QTMAN: variants seen among roughly 807,000 people sequenced by gnomAD.
QTMAN encodes the protein tRNA-queuosine alpha-mannosyltransferase.
chr2:144,022,622 G>A, the QTMAN span, among the ~76,000 whole-genome samples: 1 of 138,506 alleles, frequency 7.2e-6, no homozygotes, highest in Admixed American at 7.6e-5. Flanking sequence ...GGAGTGCAGT[G>A]GCACGATCTC....
chr2:144,001,461 A>G, the QTMAN span, among the ~76,000 whole-genome samples: 1 of 151,888 alleles, frequency 6.6e-6, no homozygotes, highest in South Asian at 2.1e-4. Context: ...TCATTATTTT[A>G]TGGAAAATGC....
chr2:144,312,422 A>G, the QTMAN span, among the ~76,000 whole-genome samples: 1 of 151,916 alleles, frequency 6.6e-6, no homozygotes. Context: ...CATCCAGATA[A>G]CTCAAGTCTG....
chr2:144,025,372 A>G, the QTMAN span, among the ~76,000 whole-genome samples: 1 of 152,130 alleles, frequency 6.6e-6, no homozygotes, highest in African/African-American at 2.4e-5. Flanking sequence ...GATGGCCCTG[A>G]TTTGAGATTC....
chr2:144,299,351 T>C, the QTMAN span, among the ~76,000 whole-genome samples: 7 of 152,192 alleles, frequency 4.6e-5, no homozygotes, highest in African/African-American at 1.4e-4. Context: ...ACCAGCTTTC[T>C]ATAATTCTGT....
chr2:144,272,927 T>C, the QTMAN span, among the ~76,000 whole-genome samples: 2 of 152,210 alleles, frequency 1.3e-5, no homozygotes, highest in Non-Finnish European at 2.9e-5. Flanking sequence ...TTTTTTATAT[T>C]GTTAATATGA....
chr2:144,170,222 A>G, the QTMAN span, among the ~76,000 whole-genome samples: 1 of 152,192 alleles, frequency 6.6e-6, no homozygotes. Flanking sequence ...TGCTTTATTA[A>G]TAATTCTAAA....
chr2:144,210,833 G>A, the QTMAN span: 2 of 152,098 alleles, frequency 1.3e-5, no homozygotes, highest in Admixed American at 6.6e-5. Context: ...TGATCACATC[G>A]TAGATATCTA....
the QTMAN span, chr2:143,970,715 A>G: frequency 6.2e-7 from 1 of 1,610,068 alleles, no homozygotes; most frequent in Non-Finnish European, 8.5e-7. Context: ...TAAGTCTTTA[A>G]GATGCATTAA....
At chr2:144,170,039 A>G in the QTMAN span, among the ~76,000 whole-genome samples, 1 of 152,136 alleles carries the variant, frequency 6.6e-6, no homozygotes, top group African/African-American at 2.4e-5. Flanking sequence ...TTATTTTCAT[A>G]ATATAATTTT....
the QTMAN span, among the ~76,000 whole-genome samples, chr2:144,249,427 T>C: frequency 6.6e-5 from 10 of 152,150 alleles, no homozygotes; most frequent in African/African-American, 2.2e-4. Context: ...GAGAACAGAA[T>C]GTTATGAAGT....
the QTMAN span, chr2:143,944,839 G>A: frequency 1.3e-5 from 2 of 151,928 alleles, no homozygotes; most frequent in African/African-American, 2.4e-5. Flanking sequence ...CCACATACAG[G>A]TAACTTTCAA....
chr2:143,951,661 A>G, the QTMAN span, among the ~76,000 whole-genome samples: 3 of 151,492 alleles, frequency 2.0e-5, no homozygotes, highest in East Asian at 5.8e-4. Context: ...TCTTTCCTTT[A>G]CTTCCTTTTA....
the QTMAN span, among the ~76,000 whole-genome samples, chr2:144,255,456 G>A: frequency 2.0e-3 from 297 of 152,226 alleles, 1 homozygote; most frequent in African/African-American, 6.6e-3. Flanking sequence ...TTTTCCTGAC[G>A]CCTCTCCAGC....
chr2:144,238,017 T>C, the QTMAN span, among the ~76,000 whole-genome samples: 1 of 152,188 alleles, frequency 6.6e-6, no homozygotes, highest in East Asian at 1.9e-4. Flanking sequence ...TTCAAATGAC[T>C]GTCACTCTGG....
the QTMAN span, among the ~76,000 whole-genome samples, chr2:144,243,875 T>G: frequency 6.6e-5 from 10 of 152,326 alleles, 1 homozygote; most frequent in East Asian, 1.7e-3. Context: ...TACAAAATCA[T>G]CTTTTAAAAT....
the QTMAN span, among the ~76,000 whole-genome samples, chr2:143,985,822 C>G: frequency 4.2e-4 from 64 of 152,212 alleles, no homozygotes; most frequent in African/African-American, 1.5e-3. Flanking sequence ...AGTATTTATT[C>G]TACTTTTCCT....
At chr2:144,012,505 G>A in the QTMAN span, among the ~76,000 whole-genome samples, 7,990 of 152,240 alleles carry the variant, frequency 0.052, 347 homozygotes, top group African/African-American at 0.12. Context: ...GAGGTAGTCA[G>A]AAGGCAGGCA....
chr2:144,308,468 A>G, the QTMAN span, among the ~76,000 whole-genome samples: 1 of 151,966 alleles, frequency 6.6e-6, no homozygotes, highest in South Asian at 2.1e-4. Context: ...CCTGGCCATG[A>G]TTAGTTGATT....
the QTMAN span, among the ~76,000 whole-genome samples, chr2:144,165,043 T>G: frequency 6.6e-6 from 1 of 152,122 alleles, no homozygotes; most frequent in African/African-American, 2.4e-5. Flanking sequence ...ATAGCTCACT[T>G]TGTTAAAGAA....
Sources: allele counts gnomAD v4.1 joint callset (sites outside exome capture counted in the v4.1 genomes callset), GRCh38; gene constraint gnomAD v4.1.1; transcripts MANE v1.5; gene names NCBI Gene and HGNC (gene_info 2026-07-23, HGNC 2026-07-21).